Variants in B3GALNT2 observed in about 807,000 individuals in gnomAD.
The protein encoded by B3GALNT2 is UDP-GalNAc:beta-1,3-N-acetylgalactosaminyltransferase 2.
In B3GALNT2, 53 loss-of-function variants were observed where a neutral mutation model predicts 61.1. The ratio of observed to expected loss-of-function variants is 0.87; its 90% CI spans 0.70 to 1.09. The LOEUF (loss-of-function observed/expected upper bound fraction) is 1.09. B3GALNT2 is among the 50% of genes least tolerant of loss of function. The probability of loss-of-function intolerance (pLI) is 0.00; values close to 1 mark genes in which losing one functional copy is unlikely to be tolerated. For missense variants in B3GALNT2, 544 were observed against 623.0 expected, an observed-to-expected ratio of 0.87 and a Z score of 1.35; for synonymous variants, 223 against 237.4, an observed-to-expected ratio of 0.94 and a Z score of 0.56.
At chr1:235,491,388 T>C (rs1469568547) in intron 2 of B3GALNT2, among the ~76,000 whole-genome samples, 1 of 152,222 alleles carries the variant, frequency 6.6e-6, no homozygotes, top group Non-Finnish European at 1.5e-5. Flanking sequence ...TATCTGTCAA[T>C]TACAGGCTGT....
chr1:235,453,515 G>A lies in B3GALNT2; in HGVS notation c.1312-369C>T, dbSNP rs139514707. On this transcript the variant is annotated intron_variant, in intron 10 of 11. Transcript: ENST00000366600. ...CTGTCGCCCAGGCTGGCATGCAGTG[G>A]CGCAATCTCAGCTCACTGCAAACTC... 3.9e-5 allele frequency among the ~76,000 whole-genome samples: 6 copies of A among 151,986 alleles called. No individual in the cohort carries two copies. In the East Asian group the frequency reaches 1.2e-3, roughly 29 times the overall value.
Position 235,504,258 on chromosome 1 carries a change from G to GC in B3GALNT2, c.-7dup. 1 of 1,485,212 alleles carries GC rather than the reference G, an allele frequency of 6.7e-7. No individual in the cohort carries two copies. Among genetic ancestry groups the GC allele is most frequent in the Admixed American group, 2.2e-5 (1 of 45,912 alleles). 92.0% of individuals were successfully genotyped at this position (1,485,212 alleles called of 1,614,324 possible). Reference sequence around the variant, plus strand: ...AGCACCAGCCAGTTTCGCATTGGCCGCCCCCGCCGCGAGCCGGGCTCTCCC... The same window carrying GC: ...AGCACCAGCCAGTTTCGCATTGGCCGCCCCCCGCCGCGAGCCGGGCTCTCCC... On this transcript the variant is annotated 5_prime_UTR_variant, in exon 1 of 12. Transcript: ENST00000366600.
intron 6 of B3GALNT2, among the ~76,000 whole-genome samples, chr1:235,467,701 A>G (rs377315507): frequency 1.5e-4 from 22 of 151,708 alleles, no homozygotes; most frequent in African/African-American, 5.3e-4. Flanking sequence ...GCTGGTCTCG[A>G]ACTCCTGACC....
chr1:235,442,746 T>C, downstream of B3GALNT2: 1 of 1,061,382 alleles, frequency 9.4e-7, no homozygotes, highest in South Asian at 1.4e-5. Context: ...ACCTGCCAAT[T>C]TGCACTGAAT....
At chr1:235,463,562 A>AT (rs1572499202) in intron 7 of B3GALNT2, 1 of 141,626 alleles carries the variant, frequency 7.1e-6, no homozygotes. Flanking sequence ...ACATTTCCTA[A>AT]TTTCTTTTTT....
At position 235,450,181 on chromosome 1, in the gene B3GALNT2, T is replaced by C. The variant is rs1558404213; in HGVS notation, c.*25A>G. ...GATTATCGTTTGCCTGCCCTGATTT[T>C]AGACTCTGCTAATTCAAGTCCCTGT... On this transcript the variant is annotated 3_prime_UTR_variant, in exon 12 of 12. Transcript: ENST00000366600. 3 of 1,613,882 alleles carry C rather than the reference T, an allele frequency of 1.9e-6. No homozygotes were observed. Among genetic ancestry groups the C allele is most frequent in the Non-Finnish European group, 2.5e-6 (3 of 1,179,792 alleles).
downstream of B3GALNT2, among the ~76,000 whole-genome samples, chr1:235,444,028 T>A (rs1349293316): frequency 1.3e-5 from 2 of 152,218 alleles, no homozygotes; most frequent in African/African-American, 2.4e-5. Flanking sequence ...TTTAAATAAA[T>A]GAAATACACA....
At chr1:235,478,445 A>G (rs896420312) in intron 5 of B3GALNT2, among the ~76,000 whole-genome samples, 3 of 152,238 alleles carry the variant, frequency 2.0e-5, no homozygotes, top group African/African-American at 7.2e-5. Flanking sequence ...AAAAGGATGT[A>G]GGAAAACAGG....
intron 2 of B3GALNT2, among the ~76,000 whole-genome samples, chr1:235,490,559 T>C (rs901635350): frequency 6.6e-6 from 1 of 152,162 alleles, no homozygotes; most frequent in African/African-American, 2.4e-5. Context: ...TTTAGACCCA[T>C]GTAAAGGACC....
chr1:235,439,798 T>C, the B3GALNT2 span, among the ~76,000 whole-genome samples: 1 of 151,392 alleles, frequency 6.6e-6, no homozygotes, highest in Non-Finnish European at 1.5e-5. Flanking sequence ...GGAAAGCATT[T>C]CTTTTTCTTT....
rs1321824264 is a variant in B3GALNT2, at chr1:235,448,587, A to G, written c.*1619T>C. The G allele has an allele frequency of 7.2e-7, 1 of 1,388,024 alleles. No individual in the cohort carries two copies. The highest frequency in any genetic ancestry group is 1.0e-6 in the Non-Finnish European group (1 of 974,506). 86.0% of individuals were successfully genotyped at this position (1,388,024 alleles called of 1,614,324 possible). On this transcript the variant is annotated 3_prime_UTR_variant, in exon 12 of 12. Coordinates refer to ENST00000366600, the MANE Select transcript of B3GALNT2 (RefSeq NM_152490.5). Reference sequence around the variant, plus strand: ...TTTAAGGGTAAGCTACTGCCTGGGGACGGGGTGGGGGAAGAGTATGTGTAG... The same window carrying G: ...TTTAAGGGTAAGCTACTGCCTGGGGGCGGGGTGGGGGAAGAGTATGTGTAG...
chr1:235,491,738 G>A (rs1003315733), intron 2 of B3GALNT2, among the ~76,000 whole-genome samples: 1 of 151,900 alleles, frequency 6.6e-6, no homozygotes, highest in East Asian at 1.9e-4. Flanking sequence ...AACAGGTCTC[G>A]TCCTTCCACT....
In B3GALNT2 at chr1:235,461,507, G is replaced by GTTTTTTTT. The variant is rs57611133; in HGVS notation, c.842-2729_842-2722dup. ...GAAACACAGGGGTAGATGACCTCCT[G>GTTTTTTTT]TTTTTTTTTTTTTTTTTTTTTTTTT... On this transcript the variant is annotated intron_variant, in intron 7 of 11. Coordinates refer to ENST00000366600, the MANE Select transcript of B3GALNT2 (RefSeq NM_152490.5). Among the ~76,000 whole-genome samples, 4 of 63,378 alleles carry GTTTTTTTT rather than the reference G, an allele frequency of 6.3e-5. 1 individual carries two copies. The highest frequency in any genetic ancestry group is 5.9e-4 in the East Asian group (1 of 1,698). 41.6% of individuals were successfully genotyped at this position (63,378 alleles called of 152,430 possible).
At chr1:235,498,771 G>A (rs1465719957) in intron 1 of B3GALNT2, among the ~76,000 whole-genome samples, 1 of 141,534 alleles carries the variant, frequency 7.1e-6, no homozygotes, top group Non-Finnish European at 1.5e-5. Context: ...TTGAACCTGG[G>A]AGGCAGAGGT....
At position 235,458,795 on chromosome 1, in the gene B3GALNT2, G is replaced by GA; in HGVS notation, c.842-10dup. On this transcript the variant is annotated splice_polypyrimidine_tract_variant and intron_variant, in intron 7 of 11. Coordinates refer to ENST00000366600, the MANE Select transcript of B3GALNT2 (RefSeq NM_152490.5). ...TAAGAGAGCATCACCTTCTATAAAG[G>GA]AAAAGTTGAGAGTTGGAGAAAAATG... 1.3e-6 allele frequency: 2 copies of GA among 1,566,534 alleles called. No homozygotes were observed. The highest frequency in any genetic ancestry group is 1.7e-6 in the Non-Finnish European group (2 of 1,158,968).
intron 7 of B3GALNT2, among the ~76,000 whole-genome samples, chr1:235,462,697 T>C (rs1558414662): frequency 6.6e-6 from 1 of 152,174 alleles, no homozygotes; most frequent in Non-Finnish European, 1.5e-5. Context: ...TCAAACATCA[T>C]TGAAGGAAAT....
intron 5 of B3GALNT2, among the ~76,000 whole-genome samples, chr1:235,474,996 T>A (rs1214576163): frequency 1.0e-4 from 10 of 96,716 alleles, no homozygotes; most frequent in African/African-American, 2.9e-4. Context: ...TATTTTTTTT[T>A]TTTTTTTTTT....
chr1:235,453,222 C>T, intron 10 of B3GALNT2, 76 bp from the exon 11 acceptor site: 1 of 1,383,136 alleles, frequency 7.2e-7, no homozygotes, highest in East Asian at 2.3e-5. Context: ...CATAGCCACT[C>T]CCATCATAAA....
At chr1:235,458,500 C>T in intron 8 of B3GALNT2, 103 bp downstream of exon 8, 1 of 1,427,320 alleles carries the variant, frequency 7.0e-7, no homozygotes, top group East Asian at 2.5e-5. Context: ...GCCTAGGAAA[C>T]CCCTAGTAAG....
Sources: gnomAD v4.1 joint callset for allele counts (sites outside exome capture counted in the v4.1 genomes callset) on GRCh38, gnomAD v4.1.1 for gene constraint, MANE v1.5 for transcripts, NCBI Gene and HGNC (gene_info 2026-07-23, HGNC 2026-07-21) for gene names.